The following GNG2 variants were observed in gnomAD, a reference collection of about 807,000 sequenced individuals.
The protein encoded by GNG2 is G protein subunit gamma 2, also known as guanine nucleotide-binding protein G(I)/G(S)/G(O) subunit gamma-2.
Under a neutral mutation model 5.5 loss-of-function variants are expected in GNG2, and 5 were observed. That is an observed-to-expected ratio of 0.91 (90% CI 0.48 to 1.92). The LOEUF (loss-of-function observed/expected upper bound fraction) is 1.92. GNG2 is among the 30% of genes most tolerant of loss of function. GNG2 has a pLI of 0.01. For synonymous variants in GNG2, 28 were observed against 32.0 expected (o/e 0.88, Z 0.42); for missense variants, 55 against 88.4 (o/e 0.62, Z 1.52).
intron 2 of GNG2, among the ~76,000 whole-genome samples, chr14:51,923,030 ACTTT>A (rs1214837784): frequency 2.0e-5 from 3 of 152,212 alleles, no homozygotes; most frequent in African/African-American, 7.2e-5. Flanking sequence ...CTAGCAAATA[ACTTT>A]CTTTATGGTT....
At chr14:51,897,667 C>A (rs1233571340) in intron 2 of GNG2, among the ~76,000 whole-genome samples, 1 of 152,108 alleles carries the variant, frequency 6.6e-6, no homozygotes, top group African/African-American at 2.4e-5. Context: ...TAGTAGATTA[C>A]CAAGTAGTGT....
chr14:51,935,228 T>G (rs1887917618), intron 2 of GNG2, among the ~76,000 whole-genome samples: 1 of 151,446 alleles, frequency 6.6e-6, no homozygotes, highest in Non-Finnish European at 1.5e-5. Flanking sequence ...GGTTTCACTG[T>G]GTTAGTCAGG....
chr14:51,891,213 A>T (rs1022872107), intron 2 of GNG2, among the ~76,000 whole-genome samples: 2 of 152,138 alleles, frequency 1.3e-5, no homozygotes, highest in African/African-American at 4.8e-5. Context: ...GTCTTTAATA[A>T]ATCTGTGTCC....
chr14:51,883,159 G>A (rs532893251), intron 2 of GNG2, among the ~76,000 whole-genome samples: 4 of 152,186 alleles, frequency 2.6e-5, no homozygotes, highest in East Asian at 3.9e-4. Flanking sequence ...ATTACCTGAC[G>A]GGGATTTGTT....
intron 1 of GNG2, among the ~76,000 whole-genome samples, chr14:51,871,818 C>T (rs1883314519): frequency 6.6e-6 from 1 of 152,216 alleles, no homozygotes; most frequent in African/African-American, 2.4e-5. Flanking sequence ...GTTTTGACTT[C>T]ATGAAGTAAT....
intron 2 of GNG2, among the ~76,000 whole-genome samples, chr14:51,880,578 T>G (rs1333399746): frequency 2.0e-5 from 3 of 152,220 alleles, no homozygotes; most frequent in Non-Finnish European, 4.4e-5. Flanking sequence ...TTTTCAGCTT[T>G]TTTTTGTTGT....
chr14:51,867,422 C>T (rs1456515789), intron 1 of GNG2, among the ~76,000 whole-genome samples: 2 of 152,194 alleles, frequency 1.3e-5, no homozygotes, highest in East Asian at 3.8e-4. Context: ...AAACCAGCTC[C>T]TCACCTGATT....
intron 2 of GNG2, among the ~76,000 whole-genome samples, chr14:51,930,662 A>G (rs1410551631): frequency 1.3e-5 from 2 of 152,218 alleles, no homozygotes; most frequent in African/African-American, 4.8e-5. Flanking sequence ...CCATTCTTGC[A>G]TTGCTGTAAA....
At chr14:51,897,882 G>A (rs944714401) in intron 2 of GNG2, among the ~76,000 whole-genome samples, 1 of 152,200 alleles carries the variant, frequency 6.6e-6, no homozygotes, top group Non-Finnish European at 1.5e-5. Context: ...TATCTGCATA[G>A]TACTAACATT....
At chr14:51,937,767 G>A (rs1461952279) in intron 2 of GNG2, among the ~76,000 whole-genome samples, 1 of 152,140 alleles carries the variant, frequency 6.6e-6, no homozygotes, top group Non-Finnish European at 1.5e-5. Context: ...AGTGAATTGG[G>A]AAATAATATT....
chr14:51,951,397 T>A (rs977465750), intron 3 of GNG2, among the ~76,000 whole-genome samples: 2 of 152,218 alleles, frequency 1.3e-5, no homozygotes, highest in Non-Finnish European at 2.9e-5. Context: ...AGACTTTAAA[T>A]TCAAACCCTT....
intron 2 of GNG2, among the ~76,000 whole-genome samples, chr14:51,908,015 C>G (rs1886037313): frequency 1.3e-5 from 2 of 152,218 alleles, no homozygotes; most frequent in Non-Finnish European, 2.9e-5. Context: ...TGTCTTAAAA[C>G]AACAAACATC....
At chr14:51,963,440 A>C (rs887344333) in intron 3 of GNG2, among the ~76,000 whole-genome samples, 26 of 152,228 alleles carry the variant, frequency 1.7e-4, no homozygotes, top group Non-Finnish European at 3.8e-4. Context: ...ACTGCCTAAC[A>C]GCTAAGCTCC....
chr14:51,923,353 G>C (rs1887126902), intron 2 of GNG2, among the ~76,000 whole-genome samples: 1 of 152,316 alleles, frequency 6.6e-6, no homozygotes, highest in African/African-American at 2.4e-5. Context: ...TTGAACTGTA[G>C]AGGTTAAGAG....
At chr14:51,962,214 A>AAAATATTT (rs1413273269) in intron 3 of GNG2, among the ~76,000 whole-genome samples, 1 of 152,176 alleles carries the variant, frequency 6.6e-6, no homozygotes, top group Admixed American at 6.6e-5. Flanking sequence ...AATATTATTT[A>AAAATATTT]AAATATCAAT....
At chr14:51,907,523 A>G (rs1886007489) in intron 2 of GNG2, among the ~76,000 whole-genome samples, 1 of 152,242 alleles carries the variant, frequency 6.6e-6, no homozygotes, top group Non-Finnish European at 1.5e-5. Context: ...CTCTTTCATC[A>G]GAGATTGCCT....
At chr14:51,906,262 G>GT (rs978296363) in intron 2 of GNG2, among the ~76,000 whole-genome samples, 3 of 151,998 alleles carry the variant, frequency 2.0e-5, no homozygotes, top group East Asian at 3.9e-4. Context: ...ATTAAGCTTT[G>GT]TTTTTTTAAA....
intron 2 of GNG2, among the ~76,000 whole-genome samples, chr14:51,944,243 A>G (rs8014746): frequency 0.35 from 52,546 of 152,116 alleles, 9,568 homozygotes; most frequent in Middle Eastern, 0.42. Flanking sequence ...AGGTGGCTTA[A>G]AGAATAAGCA....
intron 3 of GNG2, among the ~76,000 whole-genome samples, chr14:51,963,501 A>T (rs1034510421): frequency 6.6e-6 from 1 of 152,242 alleles, no homozygotes; most frequent in African/African-American, 2.4e-5. Context: ...GAATGAAGAA[A>T]AAAAGTGATC....
Sources: allele counts gnomAD v4.1 joint callset (sites outside exome capture counted in the v4.1 genomes callset), GRCh38; gene constraint gnomAD v4.1.1; transcripts MANE v1.5; gene names NCBI Gene and HGNC (gene_info 2026-07-23, HGNC 2026-07-21).